ADRA1B: variants seen among roughly 807,000 people sequenced by gnomAD.
The protein encoded by ADRA1B is alpha-1B adrenergic receptor.
In ADRA1B, 17 loss-of-function variants were observed where a neutral mutation model predicts 17.9. That is an observed-to-expected ratio of 0.95 (90% confidence interval 0.65 to 1.42). The LOEUF is 1.42. Among genes scored for constraint, ADRA1B ranks in the 40% most tolerant of loss-of-function variants. The pLI is 0.00. For missense variants in ADRA1B, 681 were observed against 722.1 expected (o/e 0.94, Z 0.65); for synonymous variants, 366 against 327.6 (o/e 1.12, Z -1.27).
chr5:159,885,026 G>C (rs190970716), intron 1 of ADRA1B, among the ~76,000 whole-genome samples: 70 of 152,230 alleles, frequency 4.6e-4, no homozygotes, highest in Middle Eastern at 3.4e-3. Context: ...TTGTAAGAGG[G>C]AAAAGAAAGT....
intron 1 of ADRA1B, among the ~76,000 whole-genome samples, chr5:159,890,931 G>A (rs1352433899): frequency 3.9e-5 from 6 of 152,212 alleles, no homozygotes; most frequent in African/African-American, 1.4e-4. Context: ...TCCTGCCACA[G>A]TCACCTTCAA....
At chr5:159,890,570 C>T (rs372085552) in intron 1 of ADRA1B, among the ~76,000 whole-genome samples, 11 of 152,304 alleles carry the variant, frequency 7.2e-5, no homozygotes, top group African/African-American at 2.6e-4. Context: ...CACTTACAGG[C>T]TCATTCATTC....
intron 1 of ADRA1B, among the ~76,000 whole-genome samples, chr5:159,903,608 A>G (rs1053707559): frequency 6.6e-6 from 1 of 152,146 alleles, no homozygotes; most frequent in African/African-American, 2.4e-5. Context: ...GCTACTTTAA[A>G]GGGTAGAAAT....
At chr5:159,882,580 A>G (rs1033523289) in intron 1 of ADRA1B, among the ~76,000 whole-genome samples, 2 of 152,172 alleles carry the variant, frequency 1.3e-5, no homozygotes, top group Non-Finnish European at 1.5e-5. Context: ...GACAAGGAAA[A>G]CTGTCATAAG....
At chr5:159,885,935 A>C (rs1264157592) in intron 1 of ADRA1B, among the ~76,000 whole-genome samples, 1 of 152,196 alleles carries the variant, frequency 6.6e-6, no homozygotes, top group Non-Finnish European at 1.5e-5. Flanking sequence ...AGTCTTAGAG[A>C]AATTAAATGA....
chr5:159,953,923 T>C (rs1386849885), intron 1 of ADRA1B, among the ~76,000 whole-genome samples: 1 of 152,026 alleles, frequency 6.6e-6, no homozygotes, highest in African/African-American at 2.4e-5. Flanking sequence ...TGAAAGCCAT[T>C]TTCTACCATC....
intron 1 of ADRA1B, among the ~76,000 whole-genome samples, chr5:159,921,436 G>A (rs6884105): frequency 0.41 from 62,286 of 152,048 alleles, 13,502 homozygotes; most frequent in East Asian, 0.74. Context: ...TAAAATGAAG[G>A]CTAACTTCCA....
At chr5:159,914,371 T>A (rs2421465), upstream of ADRA1B, among the ~76,000 whole-genome samples, 61,176 of 151,984 alleles carry the variant, frequency 0.4, 13,116 homozygotes, top group East Asian at 0.76. Context: ...CCAGCTCTGC[T>A]CCTGACCATC....
In ADRA1B at chr5:159,944,511, C is replaced by T. The variant is rs144467903; in HGVS notation, c.949+26657C>T. Among the ~76,000 whole-genome samples the T allele has an allele frequency of 4.7e-3, 718 of 152,270 alleles. 6 individuals are homozygous for T. Among genetic ancestry groups the T allele is most frequent in the African/African-American group, 0.015 (623 of 41,542 alleles). ...AATGATGCTGTGAAACCTGGTCTCTCGACAGGCTGTGTTACCATTTTGTCA... is the reference window on the plus strand; with the variant it reads ...AATGATGCTGTGAAACCTGGTCTCTTGACAGGCTGTGTTACCATTTTGTCA... On this transcript the variant is annotated intron_variant, in intron 1 of 1. Coordinates refer to ENST00000306675, the MANE Select transcript of ADRA1B (RefSeq NM_000679.4).
chr5:159,929,742 A>C (rs923833687), intron 1 of ADRA1B, among the ~76,000 whole-genome samples: 2 of 151,574 alleles, frequency 1.3e-5, no homozygotes, highest in African/African-American at 4.8e-5. Flanking sequence ...TTCTTATTTG[A>C]ATCAGAAAAA....
chr5:159,911,660 T>G (rs1754229046), upstream of ADRA1B, among the ~76,000 whole-genome samples: 1 of 152,152 alleles, frequency 6.6e-6, no homozygotes, highest in Non-Finnish European at 1.5e-5. Context: ...GAGAAAACAG[T>G]CCTACCCAGA....
chr5:159,923,104 C>A (rs886682505), intron 1 of ADRA1B, among the ~76,000 whole-genome samples: 2 of 152,180 alleles, frequency 1.3e-5, no homozygotes, highest in Non-Finnish European at 2.9e-5. Context: ...AGTCCTGAGG[C>A]CAGAGAGAGT....
intron 1 of ADRA1B, among the ~76,000 whole-genome samples, chr5:159,967,453 G>C (rs1755795626): frequency 6.6e-6 from 1 of 152,100 alleles, no homozygotes; most frequent in East Asian, 1.9e-4. Context: ...TTAGAAAATG[G>C]TCACTATTTA....
intron 1 of ADRA1B, among the ~76,000 whole-genome samples, chr5:159,877,510 T>A (rs1231844971): frequency 6.6e-6 from 1 of 152,178 alleles, no homozygotes; most frequent in Admixed American, 6.5e-5. Flanking sequence ...CTCTCCAGCC[T>A]CCTTCTAAAC....
intron 1 of ADRA1B, chr5:159,868,985 T>C (rs1044653405): frequency 3.3e-5 from 5 of 152,146 alleles, no homozygotes; most frequent in African/African-American, 4.8e-5. Context: ...CCTCAGAGCA[T>C]CTCTCATGTT....
intron 1 of ADRA1B, among the ~76,000 whole-genome samples, chr5:159,874,191 C>T (rs934365863): frequency 1.3e-5 from 2 of 152,162 alleles, no homozygotes; most frequent in East Asian, 1.9e-4. Flanking sequence ...CTAATACCAG[C>T]CCCTAGAGCC....
intron 1 of ADRA1B, chr5:159,867,028 T>C (rs981360688): frequency 6.6e-6 from 1 of 152,206 alleles, no homozygotes; most frequent in African/African-American, 2.4e-5. Flanking sequence ...CTTGAAGCGA[T>C]GTCCAACCTG....
intron 1 of ADRA1B, among the ~76,000 whole-genome samples, chr5:159,909,481 G>T (rs141081711): frequency 2.0e-4 from 31 of 152,324 alleles, no homozygotes; most frequent in Non-Finnish European, 3.4e-4. Context: ...CCCCCAAAAG[G>T]GTTGGATGGT....
In ADRA1B at chr5:159,968,454, CCAAA is replaced by C. The variant is rs150164535; in HGVS notation, c.950-3420_950-3417del. Among the ~76,000 whole-genome samples, 434 of 152,318 alleles carry C rather than the reference CCAAA, an allele frequency of 2.8e-3. 1 individual carries two copies. The highest frequency in any genetic ancestry group is 9.3e-3 in the African/African-American group (387 of 41,574). ...ACAACCACCTTCAATGGGGTTGGCACCAAACAAAGTTATAATTTTTTCCTCAACA... is the reference window on the plus strand; with the variant it reads ...ACAACCACCTTCAATGGGGTTGGCACCAAAGTTATAATTTTTTCCTCAACA... On this transcript the variant is annotated intron_variant, in intron 1 of 1. Transcript: ENST00000306675.
Sources: gnomAD v4.1 joint callset for allele counts (sites outside exome capture counted in the v4.1 genomes callset) on GRCh38, gnomAD v4.1.1 for gene constraint, MANE v1.5 for transcripts, NCBI Gene and HGNC (gene_info 2026-07-23, HGNC 2026-07-21) for gene names.